NFYC: variants seen among roughly 807,000 people sequenced by gnomAD.
NFYC encodes the protein CAAT box DNA-binding protein subunit C.
In NFYC, 25 loss-of-function variants were observed where a neutral mutation model predicts 53.1. The ratio of observed to expected loss-of-function variants is 0.47; its 90% CI spans 0.34 to 0.66. The LOEUF (loss-of-function observed/expected upper bound fraction) is 0.66. NFYC is among the 30% of genes least tolerant of loss of function. The probability of loss-of-function intolerance (pLI) is 0.01; values close to 1 mark genes in which losing one functional copy is unlikely to be tolerated. For synonymous variants in NFYC, 145 were observed against 152.6 expected (o/e 0.95, Z 0.37); for missense variants, 260 against 422.7 (o/e 0.62, Z 3.38).
chr1:40,731,065 G>T (rs1167029232), intron 1 of NFYC, among the ~76,000 whole-genome samples: 1 of 152,168 alleles, frequency 6.6e-6, no homozygotes, highest in East Asian at 1.9e-4. Flanking sequence ...GCCTGAGTGA[G>T]AGTGTGCCCT....
intron 7 of NFYC, among the ~76,000 whole-genome samples, chr1:40,765,237 AG>A (rs1290897031): frequency 6.6e-6 from 1 of 152,184 alleles, no homozygotes; most frequent in East Asian, 1.9e-4. Flanking sequence ...GCATATTCTC[AG>A]GAAAGAAATG....
intron 1 of NFYC, among the ~76,000 whole-genome samples, chr1:40,737,574 C>T (rs972680730): frequency 6.6e-6 from 1 of 152,040 alleles, no homozygotes; most frequent in African/African-American, 2.4e-5. Flanking sequence ...GGTGATCCAC[C>T]TGCCTCGGCT....
intron 1 of NFYC, among the ~76,000 whole-genome samples, chr1:40,699,221 T>G (rs918809503): frequency 2.0e-5 from 3 of 151,938 alleles, no homozygotes; most frequent in Non-Finnish European, 4.4e-5. Context: ...GGAAATGATG[T>G]TAGAGTATAG....
At chr1:40,726,696 C>T (rs183545750) in intron 1 of NFYC, among the ~76,000 whole-genome samples, 5 of 152,308 alleles carry the variant, frequency 3.3e-5, no homozygotes, top group East Asian at 3.9e-4. Flanking sequence ...GGATTACTGG[C>T]GTGAGCCACT....
Position 40,738,919 on chromosome 1 carries a change from G to A in NFYC, c.76G>A (p.Val26Ile). The A allele has an allele frequency of 6.2e-7, 1 of 1,614,010 alleles. No individual in the cohort carries two copies. Among genetic ancestry groups the A allele is most frequent in the Non-Finnish European group, 8.5e-7 (1 of 1,179,860 alleles). ...QQSLQSFWPRVMEEIRNLTVK... is the reference protein window; with the variant it reads ...QQSLQSFWPRIMEEIRNLTVK... ...AAGCCTACAGTCGTTCTGGCCTCGG[G>A]TCATGGAAGAAATCCGGAATTTAAC... The change falls in exon 2 of 10, where the codon GTC becomes ATC. Residue 26 changes from valine (V) to isoleucine (I), a missense_variant. Physicochemically the swap from Val to Ile is conservative, Grantham distance 29 (BLOSUM62 3). Coordinates refer to ENST00000447388, the MANE Select transcript of NFYC (RefSeq NM_014223.5).
chr1:40,725,360 T>C (rs1644472850), intron 1 of NFYC, among the ~76,000 whole-genome samples: 1 of 152,206 alleles, frequency 6.6e-6, no homozygotes. Flanking sequence ...AGTGGCTTAG[T>C]AGAGTGACTG....
At chr1:40,733,765 A>G (rs967807351) in intron 1 of NFYC, among the ~76,000 whole-genome samples, 2 of 150,974 alleles carry the variant, frequency 1.3e-5, no homozygotes, top group Admixed American at 1.3e-4. Context: ...TCTTTTTGAG[A>G]TGGAGTCTCG....
chr1:40,763,788 G>A (rs6671172), intron 7 of NFYC, among the ~76,000 whole-genome samples: 27,811 of 152,080 alleles, frequency 0.18, 2,624 homozygotes, highest in African/African-American at 0.21. Context: ...ACGATTGGGC[G>A]GCTTCTCTCG....
At chr1:40,714,557 T>C (rs1644051682) in intron 1 of NFYC, among the ~76,000 whole-genome samples, 1 of 152,116 alleles carries the variant, frequency 6.6e-6, no homozygotes, top group African/African-American at 2.4e-5. Context: ...GACTGAAGAT[T>C]ATAATAGACA....
intron 5 of NFYC, among the ~76,000 whole-genome samples, chr1:40,755,202 T>C (rs2148712976): frequency 6.6e-6 from 1 of 152,328 alleles, no homozygotes; most frequent in Admixed American, 6.5e-5. Context: ...CACAACACTG[T>C]AGAGATGGCC....
intron 1 of NFYC, among the ~76,000 whole-genome samples, chr1:40,718,634 A>G (rs1288415347): frequency 2.0e-5 from 3 of 152,234 alleles, no homozygotes; most frequent in Non-Finnish European, 4.4e-5. Context: ...GAGCACTACC[A>G]GTATTTTGGA....
chr1:40,744,776 T>TA (rs1645525248), intron 2 of NFYC, among the ~76,000 whole-genome samples: 1 of 152,222 alleles, frequency 6.6e-6, no homozygotes. Context: ...AGTTAAATGT[T>TA]ACTCACTTCA....
chr1:40,751,027 A>G (rs778226759), intron 4 of NFYC, among the ~76,000 whole-genome samples: 19 of 152,328 alleles, frequency 1.2e-4, no homozygotes, highest in Admixed American at 7.2e-4. Context: ...TAACCCAGCC[A>G]TTTCATTCCT....
In NFYC at chr1:40,721,088, T is replaced by C. The variant is rs186534559; in HGVS notation, c.-8-17748T>C. On this transcript the variant is annotated intron_variant, in intron 1 of 9. Transcript: ENST00000447388. Reference sequence around the variant, plus strand: ...AAAAAAAGAGAACATGTTACACAAGTCTGAAGCAAGTGAATATGCTAATTA... The same window carrying C: ...AAAAAAAGAGAACATGTTACACAAGCCTGAAGCAAGTGAATATGCTAATTA... 4.9e-4 allele frequency among the ~76,000 whole-genome samples: 74 copies of C among 152,226 alleles called. 1 individual carries two copies. The East Asian group carries it at 0.01, about 21-fold the overall frequency.
intron 1 of NFYC, 162 bp downstream of exon 1, chr1:40,692,029 C>T (rs1357033988): frequency 1.0e-5 from 2 of 196,814 alleles, no homozygotes; most frequent in East Asian, 1.9e-4. Context: ...TTGCCTGGCC[C>T]GCTGCTGTCG....
chr1:40,729,679 C>T lies in NFYC; in HGVS notation c.-8-9157C>T, dbSNP rs72659572. ...GCCTAGCTCTTGGTCCATCTCAGCT[C>T]TTTTTTTTTTTTTTGAACCGGAGTC... On this transcript the variant is annotated intron_variant, in intron 1 of 9. Transcript: ENST00000447388. Among the ~76,000 whole-genome samples the T allele has an allele frequency of 2.9e-3, 422 of 143,576 alleles. 1 individual carries two copies. The Middle Eastern group carries it at 0.046, about 16-fold the overall frequency. 94.2% of individuals were successfully genotyped at this position (143,576 alleles called of 152,430 possible).
chr1:40,754,761 G>A (rs1331198725), intron 5 of NFYC, among the ~76,000 whole-genome samples: 1 of 152,090 alleles, frequency 6.6e-6, no homozygotes, highest in African/African-American at 2.4e-5. Flanking sequence ...GGAGAGAAGG[G>A]TCACATCCTG....
At chr1:40,755,837 C>T (rs777542257) in intron 5 of NFYC, among the ~76,000 whole-genome samples, 1 of 152,172 alleles carries the variant, frequency 6.6e-6, no homozygotes, top group Non-Finnish European at 1.5e-5. Context: ...TTGTCCTGCT[C>T]TCACAGCTTT....
At chr1:40,762,864 C>T (rs756952675) in intron 6 of NFYC, 24 bp from the exon 7 acceptor site, 2 of 1,545,558 alleles carry the variant, frequency 1.3e-6, no homozygotes, top group South Asian at 1.2e-5. Context: ...ACTCACGCAG[C>T]ATTCTCATAA....
Sources: gnomAD v4.1 joint callset for allele counts (sites outside exome capture counted in the v4.1 genomes callset) on GRCh38, gnomAD v4.1.1 for gene constraint, MANE v1.5 for transcripts, NCBI Gene and HGNC (gene_info 2026-07-23, HGNC 2026-07-21) for gene names.